KCNN2: variants seen among roughly 807,000 people sequenced by gnomAD.
KCNN2 encodes the protein potassium calcium-activated channel subfamily N member 2, also known as small conductance calcium-activated potassium channel protein 2.
A neutral mutation model predicts 55.5 loss-of-function variants in KCNN2; 24 were observed. The observed-to-expected ratio is 0.43, with a 90% CI of 0.31 to 0.61. The LOEUF (loss-of-function observed/expected upper bound fraction) is 0.61. Ranked by LOEUF, KCNN2 falls within the 20% of genes least tolerant of loss-of-function variation. The probability of loss-of-function intolerance (pLI) is 0.08; values close to 1 mark genes in which losing one functional copy is unlikely to be tolerated. For synonymous variants in KCNN2, 431 were observed against 336.1 expected (o/e 1.28, Z -3.09); for missense variants, 754 against 853.6 (o/e 0.88, Z 1.45).
At chr5:114,357,004 A>C (rs1037822284) in intron 2 of KCNN2, among the ~76,000 whole-genome samples, 1 of 152,082 alleles carries the variant, frequency 6.6e-6, no homozygotes, top group Non-Finnish European at 1.5e-5. Flanking sequence ...GGCACCACCA[A>C]ATATTGTAGT....
intron 3 of KCNN2, among the ~76,000 whole-genome samples, chr5:114,459,837 C>T (rs1237851325): frequency 1.3e-5 from 2 of 152,060 alleles, no homozygotes; most frequent in Admixed American, 6.6e-5. Context: ...CAATGTAATG[C>T]GAACAGCATA....
intron 3 of KCNN2, among the ~76,000 whole-genome samples, chr5:114,445,990 G>A (rs961915874): frequency 2.0e-5 from 3 of 152,226 alleles, no homozygotes; most frequent in Admixed American, 6.5e-5. Context: ...TTGCAAGCCT[G>A]TGAAGCCTAG....
chr5:114,423,275 G>T (rs13174521), intron 3 of KCNN2, among the ~76,000 whole-genome samples: 36,987 of 151,958 alleles, frequency 0.24, 4,687 homozygotes, highest in Non-Finnish European at 0.28. Context: ...GATTTTTAAG[G>T]TTCATTTCTC....
At chr5:114,266,650 G>C (rs1426956060) in intron 2 of KCNN2, among the ~76,000 whole-genome samples, 1 of 152,138 alleles carries the variant, frequency 6.6e-6, no homozygotes, top group African/African-American at 2.4e-5. Flanking sequence ...ACTGTTCCCT[G>C]CTACAAGAAA....
intron 1 of KCNN2, among the ~76,000 whole-genome samples, chr5:114,194,643 G>T (rs1328140175): frequency 6.6e-6 from 1 of 151,966 alleles, no homozygotes; most frequent in African/African-American, 2.4e-5. Context: ...CTTCTATTCA[G>T]TAGATTGTCT....
chr5:114,289,445 C>G (rs984429683), intron 2 of KCNN2, among the ~76,000 whole-genome samples: 3 of 149,778 alleles, frequency 2.0e-5, no homozygotes, highest in African/African-American at 7.4e-5. Flanking sequence ...GGCAATCTCT[C>G]TGCTCACTGT....
chr5:114,107,279 T>TG (rs1229508616), intron 1 of KCNN2, among the ~76,000 whole-genome samples: 2 of 148,330 alleles, frequency 1.3e-5, no homozygotes, highest in African/African-American at 2.4e-5. Context: ...AGTACCATAG[T>TG]GTTTTTTTTA....
Position 114,433,780 on chromosome 5 carries a change from C to G in KCNN2, c.1637+28924C>G, listed in dbSNP as rs139779635. 8.0e-3 allele frequency: 1,234 copies of G among 153,808 alleles called. 14 individuals are homozygous for G. Among genetic ancestry groups the G allele is most frequent in the African/African-American group, 0.028 (1,154 of 41,560 alleles). 9.5% of individuals were successfully genotyped at this position (153,808 alleles called of 1,614,324 possible). A position where few individuals can be genotyped will look rare whatever the true frequency, so the allele number is the denominator to read the frequency against. ...TCCTGAGCCAGCGAGACCAGGAACC[C>G]ACCAGAAGGAAGAAACTCCGAACAC... On this transcript the variant is annotated intron_variant, in intron 3 of 7. Transcript: ENST00000673685.
At chr5:114,485,313 T>A (rs1394052689) in intron 5 of KCNN2, among the ~76,000 whole-genome samples, 1 of 152,104 alleles carries the variant, frequency 6.6e-6, no homozygotes, top group Non-Finnish European at 1.5e-5. Flanking sequence ...TTGCCAATCT[T>A]CCAGGTATCT....
chr5:114,295,108 C>T (rs1755979480), intron 2 of KCNN2, among the ~76,000 whole-genome samples: 1 of 152,182 alleles, frequency 6.6e-6, no homozygotes, highest in South Asian at 2.1e-4. Context: ...TGTCAGTGTG[C>T]CCCTACTGAG....
At chr5:114,287,924 T>G (rs1755788409) in intron 2 of KCNN2, among the ~76,000 whole-genome samples, 1 of 152,186 alleles carries the variant, frequency 6.6e-6, no homozygotes, top group South Asian at 2.1e-4. Flanking sequence ...ATTTCTAAAT[T>G]GAAGTTTTCT....
intron 2 of KCNN2, among the ~76,000 whole-genome samples, chr5:114,401,527 C>T (rs1449521035): frequency 6.6e-6 from 1 of 152,162 alleles, no homozygotes; most frequent in East Asian, 1.9e-4. Flanking sequence ...GACACGGAGT[C>T]TCACTAACAA....
intron 2 of KCNN2, among the ~76,000 whole-genome samples, chr5:114,245,530 T>A (rs550977449): frequency 1.2e-4 from 18 of 152,334 alleles, no homozygotes; most frequent in Admixed American, 1.2e-3. Flanking sequence ...AGTTTCTTAT[T>A]TCTCACACAG....
At chr5:114,195,798 C>T (rs935102394) in intron 1 of KCNN2, among the ~76,000 whole-genome samples, 14 of 151,980 alleles carry the variant, frequency 9.2e-5, no homozygotes, top group South Asian at 6.2e-4. Context: ...AAATTTTTCA[C>T]CATTAAATAT....
intron 6 of KCNN2, among the ~76,000 whole-genome samples, chr5:114,492,819 T>C (rs1160132671): frequency 1.3e-5 from 2 of 152,104 alleles, no homozygotes; most frequent in Admixed American, 1.3e-4. Context: ...AAAAGTTAAA[T>C]GAAATACAAT....
intron 2 of KCNN2, among the ~76,000 whole-genome samples, chr5:114,283,012 G>C (rs1460147603): frequency 6.6e-6 from 1 of 152,082 alleles, no homozygotes; most frequent in Non-Finnish European, 1.5e-5. Context: ...TTTCTTTTCT[G>C]CAGCTCCACT....
chr5:114,414,448 G>GT (rs1430932745), intron 3 of KCNN2, among the ~76,000 whole-genome samples: 1 of 152,152 alleles, frequency 6.6e-6, no homozygotes, highest in Non-Finnish European at 1.5e-5. Flanking sequence ...TATGTGAACT[G>GT]TTTCTCCGCT....
At chr5:114,120,276 G>T (rs905783350) in intron 1 of KCNN2, among the ~76,000 whole-genome samples, 4 of 152,112 alleles carry the variant, frequency 2.6e-5, no homozygotes, top group African/African-American at 9.7e-5. Flanking sequence ...TAGCACTGCC[G>T]CAGTAGTCCT....
At chr5:114,091,298 C>A (rs1404067525) in intron 1 of KCNN2, among the ~76,000 whole-genome samples, 1 of 152,128 alleles carries the variant, frequency 6.6e-6, no homozygotes, top group Non-Finnish European at 1.5e-5. Context: ...TGAGAGCTCT[C>A]CTTGGCACTT....
Sources: gnomAD v4.1 joint callset for allele counts (sites outside exome capture counted in the v4.1 genomes callset) on GRCh38, gnomAD v4.1.1 for gene constraint, MANE v1.5 for transcripts, NCBI Gene and HGNC (gene_info 2026-07-23, HGNC 2026-07-21) for gene names.